Variants in WDFY3 observed in about 807,000 individuals in gnomAD.
WDFY3 encodes WD repeat and FYVE domain-containing protein 3.
In WDFY3, 66 loss-of-function variants were observed where a neutral mutation model predicts 409.6. That is an observed-to-expected ratio of 0.16 (90% CI 0.13 to 0.20). WDFY3 has a LOEUF of 0.20. Among genes scored for constraint, WDFY3 ranks in the 10% least tolerant of loss-of-function variants. The pLI is 1.00. For missense variants in WDFY3, 3,031 were observed against 4,298.1 expected, an observed-to-expected ratio of 0.71 and a Z score of 8.24; for synonymous variants, 1,521 against 1,537.1, an observed-to-expected ratio of 0.99 and a Z score of 0.25.
At chr4:84,902,513 TA>T (rs891132613) in intron 2 of WDFY3, among the ~76,000 whole-genome samples, 12 of 152,186 alleles carry the variant, frequency 7.9e-5, no homozygotes, top group African/African-American at 2.9e-4. Flanking sequence ...AGTTAAACTC[TA>T]AAAGAGGAAG....
intron 32 of WDFY3, among the ~76,000 whole-genome samples, chr4:84,759,142 T>A (rs921600391): frequency 6.6e-6 from 1 of 152,210 alleles, no homozygotes; most frequent in Non-Finnish European, 1.5e-5. Context: ...CTGAGGGCTG[T>A]GTTCTGTTCC....
chr4:84,943,942 C>T (rs6531777), intron 1 of WDFY3, among the ~76,000 whole-genome samples: 56,650 of 151,970 alleles, frequency 0.37, 10,725 homozygotes, highest in Admixed American at 0.46. Context: ...AATTTGACCT[C>T]TGAATTATAA....
In WDFY3 at chr4:84,721,557, G is replaced by A; in HGVS notation, c.7457C>T (p.Pro2486Leu). ...AGGTGCAGATCGGGAGCGTTTTAGA[G>A]GAGGCTTGACCAAACCTACAGTATA... ...IAKVKGLVKPPLKRSRSAPDG... is the reference protein window; with the variant it reads ...IAKVKGLVKPLLKRSRSAPDG... Residue 2486 changes from proline (P) to leucine (L), a missense_variant, in exon 47 of 68, where the codon CCT (proline) becomes CTT (leucine). Pro to Leu is a moderately conservative substitution (Grantham distance 98, BLOSUM62 -3). Transcript: ENST00000295888. 6.2e-7 allele frequency: 1 copy of A among 1,606,302 alleles called. No homozygotes were observed. Among genetic ancestry groups the A allele is most frequent in the South Asian group, 1.1e-5 (1 of 91,074 alleles).
Position 84,778,588 on chromosome 4 carries a change from G to C in WDFY3, c.4433C>G (p.Ser1478Cys). Reference sequence around the variant, plus strand: ...TCCACTATCAACAGTTCCCACCAAAGAAAAAGTTAGATGGAGGATGTGGCT... The same window carrying C: ...TCCACTATCAACAGTTCCCACCAAACAAAAAGTTAGATGGAGGATGTGGCT... ...LNSHILHLTF[S>C]LVGTVDSGHE... The change falls in exon 27 of 68, where the codon TCT (serine) becomes TGT (cysteine). Residue 1478 changes from serine to cysteine, a missense_variant. By Grantham distance (112) the Ser-to-Cys change is moderately radical. This residue lies in a region of WDFY3 where 55 missense variants were observed against 124.1 expected (regional missense o/e 0.44). Transcript: ENST00000295888. The C allele has an allele frequency of 6.2e-7, 1 of 1,612,650 alleles. No homozygotes were observed. The highest frequency in any genetic ancestry group is 8.5e-7 in the Non-Finnish European group (1 of 1,179,564).
At chr4:84,912,981 T>G (rs536349714) in intron 2 of WDFY3, among the ~76,000 whole-genome samples, 1 of 152,136 alleles carries the variant, frequency 6.6e-6, no homozygotes, top group Admixed American at 6.5e-5. Context: ...GAAATGAGAG[T>G]GCTTTCTGGA....
At chr4:84,896,117 G>A (rs1185728384) in intron 3 of WDFY3, among the ~76,000 whole-genome samples, 1 of 151,906 alleles carries the variant, frequency 6.6e-6, no homozygotes, top group Non-Finnish European at 1.5e-5. Flanking sequence ...TTAGCTGGGT[G>A]TGGTGGTGGG....
intron 6 of WDFY3, among the ~76,000 whole-genome samples, chr4:84,840,760 T>TA (rs1560896361): frequency 1.3e-5 from 2 of 150,302 alleles, no homozygotes; most frequent in Non-Finnish European, 3.0e-5. Flanking sequence ...TTTTTTTTTT[T>TA]AAAGAGATTG....
At chr4:84,879,550 G>T (rs1320665444) in intron 3 of WDFY3, 2 of 151,816 alleles carry the variant, frequency 1.3e-5, no homozygotes, top group Non-Finnish European at 2.9e-5. Context: ...GAAAATGCTG[G>T]AAAGTACAAC....
intron 67 of WDFY3, 22 bp from the exon 68 acceptor site, chr4:84,673,013 T>C: frequency 6.2e-7 from 1 of 1,613,562 alleles, no homozygotes; most frequent in Non-Finnish European, 8.5e-7. Context: ...GAAAAGTCAA[T>C]TAATTATAGG....
chr4:84,851,593 A>C (rs1486120390), intron 4 of WDFY3, among the ~76,000 whole-genome samples: 1 of 152,236 alleles, frequency 6.6e-6, no homozygotes, highest in Non-Finnish European at 1.5e-5. Flanking sequence ...AAAGAAAACT[A>C]AATAAAAATC....
At chr4:84,744,488 G>A (rs1376075930) in intron 36 of WDFY3, among the ~76,000 whole-genome samples, 1 of 152,078 alleles carries the variant, frequency 6.6e-6, no homozygotes, top group Non-Finnish European at 1.5e-5. Flanking sequence ...CAGCCACTAG[G>A]GAGGCTGGGG....
chr4:84,684,540 C>G (rs1178701314), intron 62 of WDFY3, among the ~76,000 whole-genome samples: 1 of 152,170 alleles, frequency 6.6e-6, no homozygotes, highest in Non-Finnish European at 1.5e-5. Flanking sequence ...CAAAATGAAT[C>G]CAACCACTAA....
At position 84,751,469 on chromosome 4, in the gene WDFY3, T is replaced by G; in HGVS notation, c.5973+14A>C. On this transcript the variant is annotated intron_variant, in intron 36 of 67. Coordinates refer to ENST00000295888, the MANE Select transcript of WDFY3 (RefSeq NM_014991.6). ...TAATGCAAAAGAGATGTAAATGCGT[T>G]TCTTTTTCTTTACCTCCAACAAAAG... 6.2e-7 allele frequency: 1 copy of G among 1,612,546 alleles called. No individual in the cohort carries two copies. Among genetic ancestry groups the G allele is most frequent in the South Asian group, 1.1e-5 (1 of 91,058 alleles).
chr4:84,761,033 A>G (rs1422087325), intron 32 of WDFY3, among the ~76,000 whole-genome samples: 1 of 151,746 alleles, frequency 6.6e-6, no homozygotes, highest in East Asian at 1.9e-4. Context: ...TTCAAAGAAC[A>G]TGTTTATTTC....
chr4:84,734,964 G>A, intron 43 of WDFY3, 79 bp downstream of exon 43: 2 of 1,233,574 alleles, frequency 1.6e-6, no homozygotes, highest in Non-Finnish European at 2.3e-6. Flanking sequence ...AAAATGGGCA[G>A]AAAGATACCA....
At chr4:84,842,201 G>T (rs776975517) in intron 5 of WDFY3, among the ~76,000 whole-genome samples, 1 of 152,150 alleles carries the variant, frequency 6.6e-6, no homozygotes, top group Non-Finnish European at 1.5e-5. Context: ...ATTTGGCAGG[G>T]CATGGTGGCT....
chr4:84,849,889 A>G lies in WDFY3; in HGVS notation c.304+13T>C. 2 of 1,607,692 alleles carry G rather than the reference A, an allele frequency of 1.2e-6. No homozygotes were observed. The highest frequency in any genetic ancestry group is 2.2e-5 in the South Asian group (2 of 89,096). ...TCAAACAAATCAGTTTTTGCTGGCT[A>G]CTGTAAAAATACCTGTGGATTTGTT... On this transcript the variant is annotated intron_variant, in intron 5 of 67. Coordinates refer to ENST00000295888, the MANE Select transcript of WDFY3 (RefSeq NM_014991.6).
At chr4:84,791,265 T>C (rs1281752593) in intron 21 of WDFY3, among the ~76,000 whole-genome samples, 1 of 152,142 alleles carries the variant, frequency 6.6e-6, no homozygotes, top group Non-Finnish European at 1.5e-5. Context: ...TAGATGAAGC[T>C]TAAGGACATT....
At chr4:84,821,687 G>C (rs1754086353) in intron 10 of WDFY3, 136 bp from the exon 11 acceptor site, 3 of 723,892 alleles carry the variant, frequency 4.1e-6, no homozygotes, top group Admixed American at 3.3e-5. Context: ...TTTCACAAAA[G>C]GTCTTATTTT....
Sources: allele counts gnomAD v4.1 joint callset (sites outside exome capture counted in the v4.1 genomes callset), GRCh38; gene constraint gnomAD v4.1.1; regional missense constraint gnomAD v4.1.1; transcripts MANE v1.5; gene names NCBI Gene and HGNC (gene_info 2026-07-23, HGNC 2026-07-21).